The following SCN4A variants were observed in gnomAD, a reference collection of about 807,000 sequenced individuals.
SCN4A encodes sodium voltage-gated channel alpha subunit 4.
In SCN4A, 83 loss-of-function variants were observed where a neutral mutation model predicts 162.0. The observed-to-expected ratio is 0.51, with a 90% CI of 0.43 to 0.61. SCN4A has a LOEUF of 0.61. Ranked by LOEUF, SCN4A falls within the 20% of genes least tolerant of loss-of-function variation. SCN4A has a pLI of 0.00. For synonymous variants in SCN4A, 944 were observed against 985.1 expected (o/e 0.96, Z 0.78); for missense variants, 2,196 against 2,462.5 (o/e 0.89, Z 2.29).
At chr17:63,961,996 G>T (rs1909279553) in intron 10 of SCN4A, among the ~76,000 whole-genome samples, 1 of 151,294 alleles carries the variant, frequency 6.6e-6, no homozygotes, top group Admixed American at 6.6e-5. Flanking sequence ...GCCCCTTAGT[G>T]CAGTAACTCA....
chr17:63,972,813 A>G lies in SCN4A; in HGVS notation c.29T>C (p.Val10Ala). The G allele has an allele frequency of 6.2e-7, 1 of 1,613,102 alleles. No homozygotes were observed. The highest frequency in any genetic ancestry group is 8.5e-7 in the Non-Finnish European group (1 of 1,179,488). Residue 10 changes from valine (V) to alanine (A), a missense_variant, in exon 1 of 24, where the codon GTG becomes GCG. Transcript: ENST00000435607. The surrounding 1 kb of genome is among the most constrained non-coding windows in gnomAD (Gnocchi z 4.3). ...GCGCAAGCACTCAGGGCCCAGAGGC[A>G]CCAGGGTGCACAGAGATGGTCTGGC... MARPSLCTL[V>A]PLGPECLRPF...
chr17:63,944,178 T>C lies in SCN4A; in HGVS notation c.3913-328A>G, dbSNP rs370162220. Among the ~76,000 whole-genome samples the C allele has an allele frequency of 6.6e-6, 1 of 152,158 alleles. No individual in the cohort carries two copies. The highest frequency in any genetic ancestry group is 1.9e-4 in the East Asian group (1 of 5,166). ...GTTGTTGAGATGGAGTCTCGCTCTG[T>C]CACCAGGCTGGAGTGCAGTGGCGCG... On this transcript the variant is annotated intron_variant, in intron 21 of 23. Coordinates refer to ENST00000435607, the MANE Select transcript of SCN4A (RefSeq NM_000334.4). The surrounding 1 kb of genome is among the most constrained non-coding windows in gnomAD (Gnocchi z 4.3).
At position 63,948,683 on chromosome 17, in the gene SCN4A, G is replaced by C; in HGVS notation, c.3072C>G (p.Cys1024Trp). Residue 1024 changes from cysteine (C) to tryptophan (W), a missense_variant, in exon 16 of 24, where the codon TGC becomes TGG. Transcript: ENST00000435607. ...GKKWWTLRRA[C>W]FKIVEHNWFE... ...ACCAGTTGTGCTCGACAATCTTGAA[G>C]CAGGCCCTGCGCAGAGTCCACCACT... is the stretch of plus-strand genomic sequence containing the variant. The C allele has an allele frequency of 6.2e-7, 1 of 1,613,798 alleles. No homozygotes were observed. Among genetic ancestry groups the C allele is most frequent in the Non-Finnish European group, 8.5e-7 (1 of 1,179,846 alleles).
At chr17:63,957,082 G>GT in intron 13 of SCN4A, 80 bp downstream of exon 13, 1 of 958,698 alleles carries the variant, frequency 1.0e-6, no homozygotes. Flanking sequence ...GTGTTGGGGA[G>GT]ATAGAAAACA....
chr17:63,967,653 C>T (rs995408360), intron 6 of SCN4A, among the ~76,000 whole-genome samples: 6 of 150,930 alleles, frequency 4.0e-5, no homozygotes, highest in Admixed American at 2.6e-4. Context: ...GGAGACAGGG[C>T]GGGGAGCGGT....
chr17:63,940,989 C>A lies in SCN4A; in HGVS notation c.5293G>T (p.Ala1765Ser). The change falls in exon 24 of 24, where the codon GCC becomes TCC. Residue 1765 changes from alanine (A) to serine (S), a missense_variant. Coordinates refer to ENST00000435607, the MANE Select transcript of SCN4A (RefSeq NM_000334.4). Reference sequence around the variant, plus strand: ...GCAAGCAGCCCCTCCTTCTCAGGGGCGTCATCCCCGCTGCCGTCGTGGCTG... The same window carrying A: ...GCAAGCAGCCCCTCCTTCTCAGGGGAGTCATCCCCGCTGCCGTCGTGGCTG... Reference protein sequence around the residue: ...RHSHDGSGDDAPEKEGLLANT... With the variant: ...RHSHDGSGDDSPEKEGLLANT... 1 of 1,613,140 alleles carries A rather than the reference C, an allele frequency of 6.2e-7. No individual in the cohort carries two copies. The highest frequency in any genetic ancestry group is 8.5e-7 in the Non-Finnish European group (1 of 1,179,144).
rs1289835098 is a variant in SCN4A, at chr17:63,941,572, G to T, written c.4710C>A (p.Asn1570Lys). 2 of 1,613,980 alleles carry T rather than the reference G, an allele frequency of 1.2e-6. No individual in the cohort carries two copies. Among genetic ancestry groups the T allele is most frequent in the South Asian group, 1.1e-5 (1 of 91,080 alleles). ...PGTSVKGDCGNPSIGICFFCS... is the reference protein window; with the variant it reads ...PGTSVKGDCGKPSIGICFFCS... ...AGAAGAAGCAGATGCCGATGGAGGG[G>T]TTGCCGCAGTCACCCTTGACACTGG... Residue 1570 changes from asparagine (N) to lysine (K), a missense_variant, in exon 24 of 24, where the codon AAC becomes AAA. Physicochemically the swap from Asn to Lys is moderately conservative, Grantham distance 94 (BLOSUM62 0). Coordinates refer to ENST00000435607, the MANE Select transcript of SCN4A (RefSeq NM_000334.4). The surrounding 1 kb of genome is among the most constrained non-coding windows in gnomAD (Gnocchi z 6.2).
chr17:63,967,625 A>G (rs1909488875), intron 6 of SCN4A, among the ~76,000 whole-genome samples: 1 of 151,298 alleles, frequency 6.6e-6, no homozygotes, highest in Admixed American at 6.6e-5. Flanking sequence ...TCGCCATACT[A>G]TTTGTCTCAT....
chr17:63,972,917 G>A lies in SCN4A; in HGVS notation c.-76C>T, dbSNP rs1909664104. The A allele has an allele frequency of 1.4e-6, 2 of 1,455,546 alleles. No homozygotes were observed. Among genetic ancestry groups the A allele is most frequent in the Admixed American group, 4.9e-5 (2 of 41,150 alleles). 90.2% of individuals were successfully genotyped at this position (1,455,546 alleles called of 1,614,324 possible). The stretch of plus-strand genomic sequence containing the variant: ...CTGCAGTGCGCAGCCCCGGGGTGCT[G>A]GGCGGCCGCCCCTCCCTGGGCGGGC... On this transcript the variant is annotated 5_prime_UTR_variant, in exon 1 of 24. Coordinates refer to ENST00000435607, the MANE Select transcript of SCN4A (RefSeq NM_000334.4). The surrounding 1 kb of genome is among the most constrained non-coding windows in gnomAD (Gnocchi z 4.3).
intron 16 of SCN4A, among the ~76,000 whole-genome samples, chr17:63,948,320 A>C (rs1201507516): frequency 6.6e-6 from 1 of 152,140 alleles, no homozygotes; most frequent in East Asian, 1.9e-4. Context: ...GCAGGTCCAC[A>C]GTGACACATC....
chr17:63,961,088 G>T, intron 11 of SCN4A, 105 bp downstream of exon 11: 1 of 624,842 alleles, frequency 1.6e-6, no homozygotes, highest in South Asian at 2.0e-5. Flanking sequence ...CTGTCCGCAT[G>T]TGTCCCCCAC....
Position 63,942,892 on chromosome 17 carries a change from G to T in SCN4A, c.4222C>A (p.Arg1408Ser), listed in dbSNP as rs118047588. 123 of 1,613,924 alleles carry T rather than the reference G, an allele frequency of 7.6e-5. No homozygotes were observed. The highest frequency in any genetic ancestry group is 1.3e-4 in the Admixed American group (8 of 60,014). ...CAGCCAACGGTGAAGTAGTACTGGC[G>T]CAGGGCGAGCATCTTGAGCACGCAC... ...GECVLKMLAL[R>S]QYYFTVGWNI... is the part of the protein sequence containing the mutation. The change falls in exon 23 of 24, where the codon CGC (arginine) becomes AGC (serine). Residue 1408 changes from arginine to serine, a missense_variant. Arg to Ser is a moderately radical substitution (Grantham distance 110). Transcript: ENST00000435607.
intron 14 of SCN4A, 144 bp from the exon 15 acceptor site, chr17:63,949,672 C>G: frequency 4.0e-6 from 4 of 1,011,398 alleles, no homozygotes; most frequent in Middle Eastern, 2.6e-4. Flanking sequence ...TTCATCCAGC[C>G]CTGGATGGTC....
chr17:63,971,064 C>T, intron 5 of SCN4A, 98 bp downstream of exon 5: 1 of 808,726 alleles, frequency 1.2e-6, no homozygotes, highest in Non-Finnish European at 2.1e-6. Flanking sequence ...ACAAAAACAC[C>T]AGCCTGGGAG....
Position 63,943,859 on chromosome 17 carries a change from G to C in SCN4A, c.3913-9C>G. 2 of 1,569,972 alleles carry C rather than the reference G, an allele frequency of 1.3e-6. No homozygotes were observed. Among genetic ancestry groups the C allele is most frequent in the South Asian group, 2.2e-5 (2 of 90,154 alleles). On this transcript the variant is annotated splice_polypyrimidine_tract_variant and intron_variant, in intron 21 of 23. Coordinates refer to ENST00000435607, the MANE Select transcript of SCN4A (RefSeq NM_000334.4). ...ATGTCTTTCCCCCCTAAGTATAGTG[G>C]GATAGGGCTTGTCAGGTTGAGGTGC...
In SCN4A at chr17:63,967,972, C is replaced by T. The variant is rs1206352556; in HGVS notation, c.1036+51G>A. 4.7e-6 allele frequency: 7 copies of T among 1,487,874 alleles called. No individual in the cohort carries two copies. In the African/African-American group the frequency reaches 8.3e-5, roughly 18 times the overall value. The allele number at this position is 1,487,874 out of a possible 1,614,324, so 92.2% of individuals were successfully genotyped here. A position where few individuals can be genotyped will look rare whatever the true frequency, so the allele number is the denominator to read the frequency against. Reference sequence around the variant, plus strand: ...AAGAAAATGTGGAGTCAGAGGCTACCCTAGGGACTGGGACAGGATCCCCCT... The same window carrying T: ...AAGAAAATGTGGAGTCAGAGGCTACTCTAGGGACTGGGACAGGATCCCCCT... On this transcript the variant is annotated intron_variant, in intron 6 of 23. Coordinates refer to ENST00000435607, the MANE Select transcript of SCN4A (RefSeq NM_000334.4).
rs763866848 is a variant in SCN4A, at chr17:63,971,765, G to A, written c.568C>T (p.Arg190Trp). 3.5e-5 allele frequency: 57 copies of A among 1,611,268 alleles called. No homozygotes were observed. The highest frequency in any genetic ancestry group is 4.3e-5 in the Non-Finnish European group (51 of 1,178,794). ...AAGTCCAGCCAGTTCCAGGGGTCCC[G>A]GAGGAATGTGAAGTCGTCGACACAG... ...GFCVDDFTFLRDPWNWLDFSV... is the reference protein window; with the variant it reads ...GFCVDDFTFLWDPWNWLDFSV... The change falls in exon 4 of 24, where the codon CGG (arginine) becomes TGG (tryptophan). Residue 190 changes from arginine (R) to tryptophan (W), a missense_variant. By Grantham distance (101) the Arg-to-Trp change is moderately radical (BLOSUM62 -3). Coordinates refer to ENST00000435607, the MANE Select transcript of SCN4A (RefSeq NM_000334.4).
chr17:63,960,783 C>T (rs1964921700), intron 11 of SCN4A, among the ~76,000 whole-genome samples: 1 of 152,074 alleles, frequency 6.6e-6, no homozygotes, highest in African/African-American at 2.4e-5. Context: ...GGCTATAGGT[C>T]ACACTGCCAG....
At position 63,972,306 on chromosome 17, in the gene SCN4A, C is replaced by T. The variant is rs751512012; in HGVS notation, c.392+46G>A. ...TCTCCTGGGCCACAGCACCCCATCT[C>T]GCCCATCCCTAACCCCTCCCGCCTC... is the stretch of plus-strand genomic sequence containing the variant. On this transcript the variant is annotated intron_variant, in intron 2 of 23. Coordinates refer to ENST00000435607, the MANE Select transcript of SCN4A (RefSeq NM_000334.4). This position sits in a 1 kb window ranked among gnomAD's most constrained non-coding sequence, Gnocchi z 4.3. 17 of 1,590,236 alleles carry T rather than the reference C, an allele frequency of 1.1e-5. No individual in the cohort carries two copies. Among genetic ancestry groups the T allele is most frequent in the Middle Eastern group, 3.3e-4 (2 of 6,060 alleles).
Sources: allele counts gnomAD v4.1 joint callset (sites outside exome capture counted in the v4.1 genomes callset), GRCh38; gene constraint gnomAD v4.1.1; non-coding constraint Gnocchi (gnomAD v3.1); transcripts MANE v1.5; gene names NCBI Gene and HGNC (gene_info 2026-07-23, HGNC 2026-07-21).